The following AGBL5 variants were observed in gnomAD, a reference collection of about 807,000 sequenced individuals.
AGBL5 encodes cytosolic carboxypeptidase-like protein 5.
Under a neutral mutation model 88.0 loss-of-function variants are expected in AGBL5, and 51 were observed. That is an observed-to-expected ratio of 0.58 (90% CI 0.46 to 0.73). AGBL5 has a LOEUF of 0.73. AGBL5 is among the 30% of genes least tolerant of loss of function. The pLI is 0.00. For synonymous variants in AGBL5, 446 were observed against 438.8 expected, an observed-to-expected ratio of 1.02 and a Z score of -0.21; for missense variants, 1,031 against 1,162.2, an observed-to-expected ratio of 0.89 and a Z score of 1.64.
In AGBL5 at chr2:27,052,928, C is replaced by G. The variant is rs117264293; in HGVS notation, c.-31C>G. The stretch of plus-strand genomic sequence containing the variant: ...TTTCCCCCAGCTCTCAGGGCCAGAG[C>G]GGGGCAGGAGGATGCTTTCCCAGCC... On this transcript the variant is annotated 5_prime_UTR_variant, in exon 2 of 15. Transcript: ENST00000360131. 6.2e-4 allele frequency: 955 copies of G among 1,539,182 alleles called. 14 individuals carry two copies. The East Asian group carries it at 0.017, about 27-fold the overall frequency.
chr2:27,058,960 C>G (rs968181140), intron 10 of AGBL5, among the ~76,000 whole-genome samples: 1 of 152,168 alleles, frequency 6.6e-6, no homozygotes, highest in African/African-American at 2.4e-5. Context: ...GGGTGAAATT[C>G]ATTGGGAGAT....
intron 11 of AGBL5, among the ~76,000 whole-genome samples, chr2:27,063,432 A>T (rs561717861): frequency 2.3e-4 from 35 of 152,178 alleles, no homozygotes; most frequent in Admixed American, 1.8e-3. Context: ...CATCTCTACT[A>T]AAAATACAAA....
In AGBL5 at chr2:27,054,041, A is replaced by C. The variant is rs1572813387; in HGVS notation, c.533A>C (p.Asn178Thr). 6.2e-7 allele frequency: 1 copy of C among 1,613,370 alleles called. No individual in the cohort carries two copies. Among genetic ancestry groups the C allele is most frequent in the South Asian group, 1.1e-5 (1 of 90,992 alleles). Residue 178 changes from asparagine to threonine, a missense_variant, in exon 4 of 15, where the codon AAC becomes ACC. Physicochemically the swap from Asn to Thr is moderately conservative, Grantham distance 65 (BLOSUM62 0). Transcript: ENST00000360131. ...CAGCTAGACCAGCGCTTTCCGGAGA[A>C]CCACCCTACCCATAGCAGGTGCCAG... ...LNQLDQRFPENHPTHSSPLDT... is the reference protein window; with the variant it reads ...LNQLDQRFPETHPTHSSPLDT...
In AGBL5 at chr2:27,053,131, C is replaced by T. The variant is rs1373082528; in HGVS notation, c.173C>T (p.Thr58Ile). Reference sequence around the variant, plus strand: ...CCTGACTATGAATTCAACGTGTGGACCCGACCAGACTGTGCTGAAACGGAA... The same window carrying T: ...CCTGACTATGAATTCAACGTGTGGATCCGACCAGACTGTGCTGAAACGGAA... The part of the protein sequence containing the change: ...SSPDYEFNVW[T>I]RPDCAETEFE... Residue 58 changes from threonine to isoleucine, a missense_variant, in exon 2 of 15, where the codon ACC (threonine) becomes ATC (isoleucine). Around this residue, in one of 2 missense-constraint regions of AGBL5, gnomAD observed 540 missense variants for 678.2 expected, o/e 0.80. Transcript: ENST00000360131. The surrounding 1 kb of genome is among the most constrained non-coding windows in gnomAD (Gnocchi z 4.9). 3.7e-6 allele frequency: 6 copies of T among 1,609,590 alleles called. No individual in the cohort carries two copies. Among genetic ancestry groups the T allele is most frequent in the African/African-American group, 2.7e-5 (2 of 74,836 alleles).
chr2:27,051,303 G>A (rs1002726177), upstream of AGBL5: 3 of 152,332 alleles, frequency 2.0e-5, no homozygotes, highest in South Asian at 2.1e-4. Flanking sequence ...TTTTGCGTCC[G>A]TCACACTACA....
Position 27,056,047 on chromosome 2 carries a change from G to A in AGBL5, c.1274G>A (p.Ser425Asn). The A allele has an allele frequency of 6.2e-7, 1 of 1,614,234 alleles. No individual in the cohort carries two copies. Among genetic ancestry groups the A allele is most frequent in the Non-Finnish European group, 8.5e-7 (1 of 1,180,036 alleles). Residue 425 changes from serine (S) to asparagine (N), a missense_variant, in exon 7 of 15, where the codon AGT becomes AAT. Ser to Asn is a conservative substitution (Grantham distance 46). Around this residue, in one of 2 missense-constraint regions of AGBL5, gnomAD observed 540 missense variants for 678.2 expected, o/e 0.80. Transcript: ENST00000360131. ...CCTGATACCATCCCCCCCAAAGAGA[G>A]TGGCGTTGCTTACTATGTGGACCTG... ...SAPDTIPPKE[S>N]GVAYYVDLHG...
At position 27,068,729 on chromosome 2, in the gene AGBL5, C is replaced by G; in HGVS notation, c.2340C>G (p.Ile780Met). The G allele has an allele frequency of 6.2e-7, 1 of 1,614,064 alleles. No homozygotes were observed. The highest frequency in any genetic ancestry group is 8.5e-7 in the Non-Finnish European group (1 of 1,179,986). ...LLGTGARMPC[I>M]KTRLQARPRL... ...GGACTGGAGCTCGGATGCCCTGCATCAAGACTCGATTGCAGGTAATATTTT... is the reference window on the plus strand; with the variant it reads ...GGACTGGAGCTCGGATGCCCTGCATGAAGACTCGATTGCAGGTAATATTTT... Residue 780 changes from isoleucine to methionine, a missense_variant, in exon 13 of 15, where the codon ATC becomes ATG. By Grantham distance (10) the Ile-to-Met change is conservative. This residue lies in a region of AGBL5 where 491 missense variants were observed against 484.0 expected (regional missense o/e 1.01). Transcript: ENST00000360131.
Position 27,067,537 on chromosome 2 carries a change from CCAT to C in AGBL5, c.2135_2137del (p.His712del), listed in dbSNP as rs752459402. The C allele has an allele frequency of 1.2e-6, 2 of 1,614,012 alleles. No homozygotes were observed. Among genetic ancestry groups the C allele is most frequent in the Non-Finnish European group, 1.7e-6 (2 of 1,180,044 alleles). ...GGAGACGGCAGCAGCAGCCCCTGAACCATCGTCCTGCAGGCAGCCTCGCTCCAT... is the reference window on the plus strand; with the variant it reads ...GGAGACGGCAGCAGCAGCCCCTGAACCGTCCTGCAGGCAGCCTCGCTCCAT... On this transcript the variant is annotated inframe_deletion, in exon 12 of 15. Coordinates refer to ENST00000360131, the MANE Select transcript of AGBL5 (RefSeq NM_021831.6).
chr2:27,059,619 G>C, intron 11 of AGBL5: 1 of 1,135,302 alleles, frequency 8.8e-7, no homozygotes, highest in Admixed American at 2.8e-5. Context: ...GGAAGTCTGG[G>C]TATCTGGGCT....
In AGBL5 at chr2:27,055,982, G is replaced by A; in HGVS notation, c.1209G>A (p.Trp403Ter). Reference protein sequence around the residue: ...EPAEQKLNSVWIMPQQSAGLE... With the variant: ...EPAEQKLNSV ...CAGAACAGAAGCTCAACAGTGTGTG[G>A]ATTATGCCACAACAGTCTGCGGGGC... Residue 403 changes from tryptophan (W) to a stop codon, truncating the protein, a stop_gained, in exon 7 of 15, where the codon TGG becomes TGA. Transcript: ENST00000360131. LOFTEE classifies it high-confidence loss of function. 6.2e-7 allele frequency: 1 copy of A among 1,614,224 alleles called. No homozygotes were observed. The highest frequency in any genetic ancestry group is 8.5e-7 in the Non-Finnish European group (1 of 1,180,042).
intron 8 of AGBL5, 65 bp downstream of exon 8, chr2:27,056,857 G>A (rs1668456605): frequency 2.0e-6 from 3 of 1,501,640 alleles, no homozygotes; most frequent in African/African-American, 2.8e-5. Context: ...GTAGCTGGGT[G>A]TGGTGGTGCA....
At chr2:27,067,734 G>C (rs769871485) in intron 12 of AGBL5, 88 bp downstream of exon 12, 24 of 1,401,432 alleles carry the variant, frequency 1.7e-5, no homozygotes, top group Middle Eastern at 1.8e-4. Context: ...GAGACCAGGG[G>C]CATCACTTAT....
chr2:27,055,940 GAAAC>G lies in AGBL5; in HGVS notation c.1173_1176del (p.Thr392SerfsTer75), dbSNP rs754682228. On this transcript the variant is annotated frameshift_variant, in exon 7 of 15. Coordinates refer to ENST00000360131, the MANE Select transcript of AGBL5 (RefSeq NM_021831.6). LOFTEE classifies it high-confidence loss of function. ...CTGACAGGCATAACGCTGAAGCCTG[GAAAC>G]AAACAGAGCCAGCAGAACAGAAGCT... The G allele has an allele frequency of 6.2e-6, 10 of 1,614,086 alleles. No homozygotes were observed. The highest frequency in any genetic ancestry group is 6.8e-6 in the Non-Finnish European group (8 of 1,180,054).
upstream of AGBL5, among the ~76,000 whole-genome samples, chr2:27,050,593 T>C (rs971480534): frequency 6.6e-6 from 1 of 152,266 alleles, no homozygotes; most frequent in Non-Finnish European, 1.5e-5. Context: ...GCCTCCGTTC[T>C]GGCCTGAGAA....
chr2:27,066,204 A>T (rs1349112932), intron 11 of AGBL5, among the ~76,000 whole-genome samples: 1 of 146,184 alleles, frequency 6.8e-6, no homozygotes, highest in Non-Finnish European at 1.5e-5. Flanking sequence ...ACTGCACTAC[A>T]GCCTAGGTGA....
chr2:27,051,155 C>G (rs1180817137), upstream of AGBL5: 1 of 152,248 alleles, frequency 6.6e-6, no homozygotes, highest in African/African-American at 2.4e-5. Context: ...GGTTGATCCA[C>G]TGGTCAGTGA....
At position 27,055,970 on chromosome 2, in the gene AGBL5, C is replaced by G; in HGVS notation, c.1197C>G (p.Leu399=). The change falls in exon 7 of 15, where the codon CTC becomes CTG. Residue 399 remains leucine (L), a synonymous_variant. Transcript: ENST00000360131. ...WKQTEPAEQK[L]NSVWIMPQQS... ...AAACAGAGCCAGCAGAACAGAAGCTCAACAGTGTGTGGATTATGCCACAAC... is the reference window on the plus strand; with the variant it reads ...AAACAGAGCCAGCAGAACAGAAGCTGAACAGTGTGTGGATTATGCCACAAC... The G allele has an allele frequency of 6.2e-7, 1 of 1,614,226 alleles. No individual in the cohort carries two copies. The highest frequency in any genetic ancestry group is 8.5e-7 in the Non-Finnish European group (1 of 1,180,044).
Position 27,055,146 on chromosome 2 carries a change from C to T in AGBL5, c.801C>T (p.Asp267=). 1.2e-6 allele frequency: 2 copies of T among 1,614,218 alleles called. No individual in the cohort carries two copies. The highest frequency in any genetic ancestry group is 1.7e-6 in the Non-Finnish European group (2 of 1,180,026). The change falls in exon 6 of 15, where the codon GAC becomes GAT. Residue 267 remains aspartate, a synonymous_variant. Transcript: ENST00000360131. ...GCTTTGTCTTCAATGGCTTTCTGGA[C>T]TTCATCCTCCGACCTGATGATCCCC... is the stretch of plus-strand genomic sequence containing the variant. ...PSSFVFNGFL[D]FILRPDDPRA...
intron 7 of AGBL5, 172 bp from the exon 8 acceptor site, chr2:27,056,451 C>A: frequency 1.5e-6 from 1 of 681,024 alleles, no homozygotes; most frequent in East Asian, 2.8e-5. Context: ...AGAATTGCTT[C>A]CCAACACCTA....
Sources: allele counts gnomAD v4.1 joint callset (sites outside exome capture counted in the v4.1 genomes callset), GRCh38; gene constraint gnomAD v4.1.1; regional missense constraint gnomAD v4.1.1; non-coding constraint Gnocchi (gnomAD v3.1); transcripts MANE v1.5; gene names NCBI Gene and HGNC (gene_info 2026-07-23, HGNC 2026-07-21).